FGD4: variants seen among roughly 807,000 people sequenced by gnomAD.
FGD4 encodes the protein FYVE, RhoGEF and PH domain containing 4, also known as FYVE, RhoGEF and PH domain-containing protein 4.
FGD4 carries 42 observed loss-of-function variants against 102.0 expected under a neutral mutation model. The observed-to-expected ratio is 0.41, with a 90% CI of 0.32 to 0.53. The LOEUF is 0.53. Ranked by LOEUF, FGD4 falls within the 20% of genes least tolerant of loss-of-function variation. FGD4 has a pLI of 0.21. For missense variants in FGD4, 902 were observed against 1,078.2 expected (o/e 0.84, Z 2.29); for synonymous variants, 380 against 375.7 (o/e 1.01, Z -0.13).
intron 4 of FGD4, among the ~76,000 whole-genome samples, chr12:32,594,321 G>A (rs1947702797): frequency 6.6e-6 from 1 of 152,136 alleles, no homozygotes; most frequent in Admixed American, 6.5e-5. Flanking sequence ...AACTGCACAT[G>A]CGAGGGATCT....
At chr12:32,469,982 T>A (rs1257798693) in intron 1 of FGD4, among the ~76,000 whole-genome samples, 2 of 152,124 alleles carry the variant, frequency 1.3e-5, no homozygotes, top group Admixed American at 6.6e-5. Context: ...ATTAATAGAC[T>A]TGTGGGTTGA....
At chr12:32,634,742 G>A (rs1457308175) in intron 15 of FGD4, among the ~76,000 whole-genome samples, 3 of 152,216 alleles carry the variant, frequency 2.0e-5, no homozygotes, top group Non-Finnish European at 4.4e-5. Flanking sequence ...TGTAATCCCA[G>A]CACTTTGGGA....
chr12:32,590,978 G>T (rs1200648366), intron 4 of FGD4, among the ~76,000 whole-genome samples: 1 of 152,132 alleles, frequency 6.6e-6, no homozygotes, highest in Non-Finnish European at 1.5e-5. Context: ...ACAGCCTGCA[G>T]CCCCAATGAA....
At chr12:32,427,838 A>G (rs187615467) in intron 1 of FGD4, among the ~76,000 whole-genome samples, 128 of 152,000 alleles carry the variant, frequency 8.4e-4, no homozygotes, top group African/African-American at 3.0e-3. Flanking sequence ...GTCTCTCTTG[A>G]TCTTTGTTGG....
intron 1 of FGD4, among the ~76,000 whole-genome samples, chr12:32,547,460 C>T (rs924155015): frequency 6.6e-6 from 1 of 152,132 alleles, no homozygotes; most frequent in African/African-American, 2.4e-5. Flanking sequence ...ACACACACCC[C>T]AGCCTAACCA....
At chr12:32,401,034 C>G (rs1940641132) in intron 1 of FGD4, among the ~76,000 whole-genome samples, 1 of 152,188 alleles carries the variant, frequency 6.6e-6, no homozygotes, top group African/African-American at 2.4e-5. Flanking sequence ...TGCCTTCGGT[C>G]TTCATTTCCT....
chr12:32,594,397 A>T (rs1184926333), intron 4 of FGD4, among the ~76,000 whole-genome samples: 1 of 152,202 alleles, frequency 6.6e-6, no homozygotes, highest in African/African-American at 2.4e-5. Flanking sequence ...TCACTCCCAG[A>T]TGGGACTGTC....
In FGD4 at chr12:32,640,623, T is replaced by C. The variant is rs772274440; in HGVS notation, c.*90T>C. ...TTCTTACACATCTGCTAGCACTTTA[T>C]GTTGAAAAATATAGGCCCATAAATG... On this transcript the variant is annotated 3_prime_UTR_variant, in exon 17 of 17. Coordinates refer to ENST00000534526, the MANE Select transcript of FGD4 (RefSeq NM_001370298.3). The C allele has an allele frequency of 9.1e-5, 144 of 1,578,950 alleles. No homozygotes were observed. Among genetic ancestry groups the C allele is most frequent in the Non-Finnish European group, 1.2e-4 (142 of 1,155,652 alleles).
chr12:32,425,420 C>T (rs1445639413), intron 1 of FGD4, among the ~76,000 whole-genome samples: 1 of 152,088 alleles, frequency 6.6e-6, no homozygotes, highest in Non-Finnish European at 1.5e-5. Context: ...CTGTTCTGTT[C>T]TATTAGTCTA....
intron 1 of FGD4, among the ~76,000 whole-genome samples, chr12:32,526,596 A>C (rs1941236170): frequency 6.6e-6 from 1 of 152,218 alleles, no homozygotes; most frequent in African/African-American, 2.4e-5. Context: ...ATAAGAGAAT[A>C]AAAGCAGGCT....
At chr12:32,624,526 T>G (rs1592450164) in intron 12 of FGD4, 74 bp downstream of exon 12, 2 of 1,251,078 alleles carry the variant, frequency 1.6e-6, no homozygotes, top group Non-Finnish European at 2.3e-6. Context: ...CAGTCTGGAG[T>G]GCAGTGGTGT....
intron 11 of FGD4, among the ~76,000 whole-genome samples, chr12:32,622,190 A>G (rs752503248): frequency 6.6e-6 from 1 of 152,158 alleles, no homozygotes; most frequent in Admixed American, 6.5e-5. Context: ...CAGCCTCATC[A>G]GTAGTTCTGA....
At chr12:32,484,780 G>A (rs1458996553) in intron 1 of FGD4, among the ~76,000 whole-genome samples, 3 of 152,064 alleles carry the variant, frequency 2.0e-5, no homozygotes, top group Non-Finnish European at 4.4e-5. Flanking sequence ...GCTGAGGCAG[G>A]AGAATAGCTT....
chr12:32,620,874 G>C (rs1486673604), intron 11 of FGD4, among the ~76,000 whole-genome samples: 1 of 150,364 alleles, frequency 6.7e-6, no homozygotes, highest in Non-Finnish European at 1.5e-5. Flanking sequence ...TGTTGACCAG[G>C]CTGGTCTCGA....
rs2136659782 is a variant in FGD4 at position 32,602,304 on chromosome 12, T to C, written c.1391T>C (p.Val464Ala). Residue 464 changes from valine (V) to alanine (A), a missense_variant, in exon 7 of 17, where the codon GTT (valine) becomes GCT (alanine). Physicochemically the swap from Val to Ala is moderately conservative, Grantham distance 64. Around this residue, in one of 2 missense-constraint regions of FGD4, gnomAD observed 459 missense variants for 619.0 expected, o/e 0.74. Transcript: ENST00000534526. ...CGTATTCCCCAGTTCAAATCAGTGG[T>C]TGAAGAAATTCAGGTAATAGGACTG... is the stretch of plus-strand genomic sequence containing the variant. Reference protein sequence around the residue: ...TERIPQFKSVVEEIQKQKICG... With the variant: ...TERIPQFKSVAEEIQKQKICG... The C allele has an allele frequency of 6.2e-7, 1 of 1,614,108 alleles. No individual in the cohort carries two copies. Among genetic ancestry groups the C allele is most frequent in the Non-Finnish European group, 8.5e-7 (1 of 1,179,998 alleles).
chr12:32,594,955 CG>C (rs1190484273), intron 4 of FGD4, among the ~76,000 whole-genome samples: 1 of 150,858 alleles, frequency 6.6e-6, no homozygotes, highest in Non-Finnish European at 1.5e-5. Flanking sequence ...TGCTTGAACC[CG>C]GTAGGCAGAG....
At chr12:32,421,904 G>C (rs1346272574) in intron 1 of FGD4, among the ~76,000 whole-genome samples, 1 of 152,064 alleles carries the variant, frequency 6.6e-6, no homozygotes, top group Non-Finnish European at 1.5e-5. Context: ...ACTTTGGGAG[G>C]CTGAGGCAGG....
intron 1 of FGD4, among the ~76,000 whole-genome samples, chr12:32,478,500 A>C (rs553966356): frequency 2.6e-5 from 4 of 152,206 alleles, no homozygotes; most frequent in Non-Finnish European, 5.9e-5. Context: ...TCCTGACCTC[A>C]GGTGATCTGC....
intron 3 of FGD4, among the ~76,000 whole-genome samples, chr12:32,581,106 G>A (rs114466501): frequency 0.011 from 1,641 of 152,228 alleles, 26 homozygotes; most frequent in African/African-American, 0.037. Flanking sequence ...ACAGAACCCC[G>A]AATGATAAGA....
Sources: gnomAD v4.1 joint callset for allele counts (sites outside exome capture counted in the v4.1 genomes callset) on GRCh38, gnomAD v4.1.1 for gene constraint, gnomAD v4.1.1 regional missense constraint, MANE v1.5 for transcripts, NCBI Gene and HGNC (gene_info 2026-07-23, HGNC 2026-07-21) for gene names.